TENM2: variants seen among roughly 807,000 people sequenced by gnomAD.
TENM2 encodes teneurin-2.
A neutral mutation model predicts 245.2 loss-of-function variants in TENM2; 52 were observed. The observed-to-expected ratio is 0.21, with a 90% confidence interval of 0.17 to 0.27. TENM2 has a LOEUF of 0.27. Among genes scored for constraint, TENM2 ranks in the 10% least tolerant of loss-of-function variants. TENM2 has a pLI of 1.00. For missense variants in TENM2, 3,046 were observed against 3,666.8 expected (o/e 0.83, Z 4.37); for synonymous variants, 1,363 against 1,438.9 (o/e 0.95, Z 1.19).
At chr5:167,176,403 C>T in the TENM2 span, among the ~76,000 whole-genome samples, 1 of 152,204 alleles carries the variant, frequency 6.6e-6, no homozygotes, top group Admixed American at 6.5e-5. Flanking sequence ...CTTTTTCTGC[C>T]ATTTTATCAT....
At chr5:167,875,848 A>G in intron 2 of TENM2, 138 bp from the exon 5 acceptor site, 1 of 639,060 alleles carries the variant, frequency 1.6e-6, no homozygotes, top group Non-Finnish European at 2.7e-6. Context: ...CACTCTTTTA[A>G]AAAAGCACAT....
At chr5:167,860,581 G>A (rs1771694716) in intron 2 of TENM2, among the ~76,000 whole-genome samples, 1 of 104,884 alleles carries the variant, frequency 9.5e-6, no homozygotes, top group Non-Finnish European at 1.9e-5. Context: ...GATGACAATG[G>A]CGGCTTTGTG....
intron 2 of TENM2, among the ~76,000 whole-genome samples, chr5:167,690,920 AGTATGTGTGTGT>A (rs201011343): frequency 0.16 from 22,146 of 136,460 alleles, 1,995 homozygotes; most frequent in East Asian, 0.35. Flanking sequence ...CGTATATGCG[AGTATGTGTGTGT>A]GTGTGTGTGT....
intron 2 of TENM2, among the ~76,000 whole-genome samples, chr5:167,576,043 A>G (rs2127670654): frequency 6.6e-6 from 1 of 152,318 alleles, no homozygotes; most frequent in Middle Eastern, 3.4e-3. Context: ...TGTCTGTATC[A>G]TATATGCTTT....
At chr5:167,710,832 A>G (rs533454048) in intron 2 of TENM2, among the ~76,000 whole-genome samples, 1 of 152,342 alleles carries the variant, frequency 6.6e-6, no homozygotes, top group African/African-American at 2.4e-5. Context: ...AAACGGGTTT[A>G]AGATGAAGAC....
chr5:167,900,199 C>T lies in TENM2; in HGVS notation c.712+24004C>T, dbSNP rs975470686. Among the ~76,000 whole-genome samples, 4 of 142,908 alleles carry T rather than the reference C, an allele frequency of 2.8e-5. No homozygotes were observed. In the East Asian group the frequency reaches 8.6e-4, roughly 31 times the overall value. The allele number at this position is 142,908 out of a possible 152,430, so 93.8% of individuals were successfully genotyped here. A position where few individuals can be genotyped will look rare whatever the true frequency, so the allele number is the denominator to read the frequency against. On this transcript the variant is annotated intron_variant, in intron 3 of 28. Transcript: ENST00000518659. Reference sequence around the variant, plus strand: ...TCCGGAAACATTGCACTGAGGCAAACGTTTTCCCTTTGGTGCATTAGGAAG... The same window carrying T: ...TCCGGAAACATTGCACTGAGGCAAATGTTTTCCCTTTGGTGCATTAGGAAG...
At chr5:167,510,951 AAAAG>A (rs563724329) in intron 2 of TENM2, among the ~76,000 whole-genome samples, 25 of 63,638 alleles carry the variant, frequency 3.9e-4, no homozygotes, top group Non-Finnish European at 1.3e-3. Context: ...AAAAAAAAAT[AAAAG>A]AAAGAGAGAG....
chr5:167,766,733 A>T (rs1046999557), intron 2 of TENM2, among the ~76,000 whole-genome samples: 1 of 151,788 alleles, frequency 6.6e-6, no homozygotes, highest in Non-Finnish European at 1.5e-5. Context: ...AAAAAAATTA[A>T]CTGGGTGTTG....
chr5:167,857,137 A>G (rs900525677), intron 2 of TENM2, among the ~76,000 whole-genome samples: 2 of 152,168 alleles, frequency 1.3e-5, no homozygotes, highest in African/African-American at 4.8e-5. Context: ...TTCTAGCAAG[A>G]ATGATACAGC....
chr5:167,304,684 C>G (rs1366873665), intron 1 of TENM2, among the ~76,000 whole-genome samples: 2 of 151,634 alleles, frequency 1.3e-5, no homozygotes, highest in Non-Finnish European at 2.9e-5. Flanking sequence ...TTTAGTAAAC[C>G]TTTCATTTTA....
At chr5:167,494,478 A>T (rs1250612251) in intron 2 of TENM2, among the ~76,000 whole-genome samples, 1 of 152,146 alleles carries the variant, frequency 6.6e-6, no homozygotes, top group Non-Finnish European at 1.5e-5. Flanking sequence ...TTCAATACTT[A>T]TGCGTGATAT....
intron 2 of TENM2, among the ~76,000 whole-genome samples, 178 bp downstream of exon 4, chr5:167,375,651 A>G (rs1359697792): frequency 6.6e-6 from 1 of 152,228 alleles, no homozygotes; most frequent in Middle Eastern, 3.2e-3. Flanking sequence ...GCACACAAGA[A>G]ATGAGAAGAG....
At chr5:167,129,812 G>A in the TENM2 span, among the ~76,000 whole-genome samples, 2 of 152,064 alleles carry the variant, frequency 1.3e-5, no homozygotes, top group Non-Finnish European at 2.9e-5. Context: ...GAATATTTGG[G>A]TAAGAAAAAA....
chr5:167,809,055 T>C (rs915482156), intron 2 of TENM2, among the ~76,000 whole-genome samples: 1 of 152,286 alleles, frequency 6.6e-6, no homozygotes, highest in Admixed American at 6.5e-5. Flanking sequence ...TAAGATAACA[T>C]CAGTGAAATG....
chr5:167,252,210 CAGAA>C, the TENM2 span, among the ~76,000 whole-genome samples: 1 of 152,074 alleles, frequency 6.6e-6, no homozygotes, highest in African/African-American at 2.4e-5. Context: ...TGTCCAGAAA[CAGAA>C]AGCCATAAAC....
At chr5:167,932,516 G>T (rs1465723673) in intron 3 of TENM2, among the ~76,000 whole-genome samples, 2 of 151,954 alleles carry the variant, frequency 1.3e-5, no homozygotes. Context: ...TACCAGTTAT[G>T]CCTGTTTGTT....
chr5:167,101,371 A>C, the TENM2 span, among the ~76,000 whole-genome samples: 2 of 152,172 alleles, frequency 1.3e-5, no homozygotes, highest in African/African-American at 4.8e-5. Flanking sequence ...TTCTACCACT[A>C]TTTACATATT....
At position 167,907,595 on chromosome 5, in the gene TENM2, A is replaced by G. The variant is rs571035828; in HGVS notation, c.712+31400A>G. ...TATGTATGTATTATCATAAATTCTTAAAGCATATTTATAGAGCTAAGAATT... is the reference window on the plus strand; with the variant it reads ...TATGTATGTATTATCATAAATTCTTGAAGCATATTTATAGAGCTAAGAATT... On this transcript the variant is annotated intron_variant, in intron 3 of 28. Transcript: ENST00000518659. Among the ~76,000 whole-genome samples, 4 of 136,198 alleles carry G rather than the reference A, an allele frequency of 2.9e-5. No homozygotes were observed. In the South Asian group the frequency reaches 9.8e-4, roughly 33 times the overall value. The allele number at this position is 136,198 out of a possible 152,430, so 89.4% of individuals were successfully genotyped here.
chr5:167,151,821 T>G, the TENM2 span, among the ~76,000 whole-genome samples: 1 of 152,150 alleles, frequency 6.6e-6, no homozygotes, highest in African/African-American at 2.4e-5. Flanking sequence ...CTGGCCTGCT[T>G]TTCTTCTTAA....
Sources: allele counts gnomAD v4.1 joint callset (sites outside exome capture counted in the v4.1 genomes callset), GRCh38; gene constraint gnomAD v4.1.1; transcripts MANE v1.5; gene names NCBI Gene and HGNC (gene_info 2026-07-23, HGNC 2026-07-21).